Variants in TUT7 observed in about 807,000 individuals in gnomAD.
TUT7 encodes the protein terminal uridylyltransferase 7.
A neutral mutation model predicts 165.9 loss-of-function variants in TUT7; 33 were observed. The observed-to-expected ratio is 0.20, with a 90% confidence interval of 0.15 to 0.27. The LOEUF (loss-of-function observed/expected upper bound fraction) is 0.27, where lower values mean the gene tolerates loss of function less well. TUT7 is among the 10% of genes least tolerant of loss of function. TUT7 has a pLI of 1.00. For missense variants in TUT7, 1,338 were observed against 1,762.3 expected (o/e 0.76, Z 4.31); for synonymous variants, 552 against 608.1 (o/e 0.91, Z 1.36).
At chr9:86,310,107 TGGG>T (rs1827898791) in intron 18 of TUT7, 90 bp from the exon 19 acceptor site, 6 of 1,106,462 alleles carry the variant, frequency 5.4e-6, no homozygotes, top group Admixed American at 4.8e-5. Flanking sequence ...ATAATGGAGA[TGGG>T]ATCTCACTAT....
chr9:86,303,230 G>T (rs760446473), intron 24 of TUT7, 29 bp from the exon 25 acceptor site: 2 of 1,288,988 alleles, frequency 1.6e-6, no homozygotes, highest in Admixed American at 2.0e-5. Context: ...ATAAAAGCCT[G>T]AACTATTCAC....
chr9:86,318,134 AT>A (rs1391638892), intron 16 of TUT7, among the ~76,000 whole-genome samples: 2 of 152,238 alleles, frequency 1.3e-5, no homozygotes, highest in Admixed American at 6.5e-5. Context: ...TCATTTGGAT[AT>A]TTAGCATTTG....
At chr9:86,331,544 G>GT (rs1296502303) in intron 10 of TUT7, among the ~76,000 whole-genome samples, 2 of 152,054 alleles carry the variant, frequency 1.3e-5, no homozygotes, top group Admixed American at 1.3e-4. Flanking sequence ...ATTTACGATT[G>GT]TTTTGTCTTC....
chr9:86,296,087 T>C (rs1462969854), intron 26 of TUT7, among the ~76,000 whole-genome samples: 1 of 152,216 alleles, frequency 6.6e-6, no homozygotes, highest in Non-Finnish European at 1.5e-5. Context: ...AGAGAGAAAT[T>C]ACAGCAAGTG....
intron 11 of TUT7, 152 bp downstream of exon 11, chr9:86,328,188 T>G (rs940676579): frequency 1.7e-6 from 1 of 601,044 alleles, no homozygotes. Context: ...TAACCTTTTC[T>G]CATTACTTGT....
rs756554918 is a variant in TUT7, at chr9:86,317,232, G to C, written c.3261C>G (p.Leu1087=). 6.2e-7 allele frequency: 1 copy of C among 1,613,718 alleles called. No individual in the cohort carries two copies. Among genetic ancestry groups the C allele is most frequent in the East Asian group, 2.2e-5 (1 of 44,846 alleles). ...TTACAGAGGTACCTGAATGTTTTCT[G>C]AGGACTCTTGCTAATTCTTCAATAG... is the stretch of plus-strand genomic sequence containing the variant. ...VRTIEELARV[L]RKHSGLRNIL... Residue 1087 remains leucine (L), a synonymous_variant, in exon 17 of 27, where the codon CTC becomes CTG. Transcript: ENST00000375963.
chr9:86,305,330 A>G, intron 22 of TUT7, 91 bp from the exon 23 acceptor site: 1 of 849,334 alleles, frequency 1.2e-6, no homozygotes, highest in East Asian at 2.7e-5. Flanking sequence ...CAAGACAAGA[A>G]TATCATCTAC....
At chr9:86,347,947 C>A (rs577698858) in intron 2 of TUT7, among the ~76,000 whole-genome samples, 23 of 151,852 alleles carry the variant, frequency 1.5e-4, no homozygotes, top group Non-Finnish European at 2.9e-4. Flanking sequence ...GTTTGCTTAT[C>A]ATTATAAACA....
chr9:86,341,271 A>G (rs1831302469), intron 6 of TUT7, among the ~76,000 whole-genome samples: 1 of 152,220 alleles, frequency 6.6e-6, no homozygotes, highest in South Asian at 2.1e-4. Flanking sequence ...CCTACTATAC[A>G]ACTAACTTCT....
intron 17 of TUT7, among the ~76,000 whole-genome samples, chr9:86,316,588 C>T (rs1408649049): frequency 6.6e-6 from 1 of 152,210 alleles, no homozygotes; most frequent in Non-Finnish European, 1.5e-5. Context: ...TTATACAACG[C>T]CAACAAAGGA....
At position 86,349,566 on chromosome 9, in the gene TUT7, T is replaced by TG. The variant is rs1037938106; in HGVS notation, c.521-3087dup. ...AAAAAACAGAAGGTAGTACCGTATG[T>TG]GGGGGGGAAAAAAGCAACTCCACCA... is the stretch of plus-strand genomic sequence containing the variant. On this transcript the variant is annotated intron_variant, in intron 2 of 26. Transcript: ENST00000375963. Among the ~76,000 whole-genome samples the TG allele has an allele frequency of 6.6e-5, 10 of 151,892 alleles. No homozygotes were observed. In the East Asian group the frequency reaches 1.7e-3, roughly 26 times the overall value.
At chr9:86,325,778 C>G (rs1222979038) in intron 11 of TUT7, among the ~76,000 whole-genome samples, 3 of 152,180 alleles carry the variant, frequency 2.0e-5, no homozygotes, top group African/African-American at 7.2e-5. Flanking sequence ...TTTAACCAGA[C>G]AGAGCTCCTA....
rs938541925 is a variant in TUT7, at chr9:86,352,419, T to C, written c.520+261A>G. The stretch of plus-strand genomic sequence containing the variant: ...CTACCCTCTTCTGTAAAAAACACGT[T>C]ACAGAAAACATGTTTACTGACGTAA... On this transcript the variant is annotated intron_variant, in intron 2 of 26. Coordinates refer to ENST00000375963, the MANE Select transcript of TUT7 (RefSeq NM_024617.4). The C allele has an allele frequency of 3.6e-5, 20 of 550,306 alleles. No homozygotes were observed. The East Asian group carries it at 5.7e-4, about 16-fold the overall frequency. The allele number at this position is 550,306 out of a possible 1,614,324, so 34.1% of individuals were successfully genotyped here.
chr9:86,333,368 T>C (rs891182203), intron 10 of TUT7, among the ~76,000 whole-genome samples: 2 of 152,240 alleles, frequency 1.3e-5, no homozygotes, highest in South Asian at 2.1e-4. Flanking sequence ...ATTCCCATTA[T>C]ACATATGTTT....
rs1826905790 is a variant in TUT7 at position 86,301,542 on chromosome 9, T to C, written c.4154A>G (p.Glu1385Gly). The stretch of plus-strand genomic sequence containing the variant: ...TTCTTTGTCCTCTTTGCTTCTTTTT[T>C]CCTTGTTCTCAGGGTATCTTTGGTT... ...ALNQRYPENK[E>G]KRSKEDKEIH... The change falls in exon 26 of 27, where the codon GAA becomes GGA. Residue 1385 changes from glutamate (E) to glycine (G), a missense_variant. Glu to Gly is a moderately conservative substitution (Grantham distance 98). This residue lies in a region of TUT7 where 167 missense variants were observed against 204.9 expected (regional missense o/e 0.82). Transcript: ENST00000375963. 1.2e-6 allele frequency: 2 copies of C among 1,614,128 alleles called. No homozygotes were observed. Among genetic ancestry groups the C allele is most frequent in the Non-Finnish European group, 1.7e-6 (2 of 1,180,028 alleles).
At chr9:86,348,920 C>T (rs1832022241) in intron 2 of TUT7, among the ~76,000 whole-genome samples, 1 of 152,114 alleles carries the variant, frequency 6.6e-6, no homozygotes, top group East Asian at 1.9e-4. Flanking sequence ...CTTTCACAGG[C>T]ATGCATGGTA....
chr9:86,299,335 AACTTTCACAGAGAG>A (rs60376915), intron 26 of TUT7, among the ~76,000 whole-genome samples: 47,554 of 152,022 alleles, frequency 0.31, 8,861 homozygotes, highest in African/African-American at 0.5. Flanking sequence ...CCTGTTTTCA[AACTTTCACAGAGAG>A]ACTGTCTGTT....
intron 2 of TUT7, 69 bp downstream of exon 2, chr9:86,352,611 C>G: frequency 6.4e-7 from 1 of 1,570,664 alleles, no homozygotes; most frequent in Non-Finnish European, 8.8e-7. Context: ...TAACAAAACT[C>G]ATTTGGATGA....
At position 86,308,410 on chromosome 9, in the gene TUT7, A is replaced by T. The variant is rs772742176; in HGVS notation, c.3838+19T>A. 3 of 1,603,580 alleles carry T rather than the reference A, an allele frequency of 1.9e-6. No individual in the cohort carries two copies. The highest frequency in any genetic ancestry group is 1.7e-4 in the Middle Eastern group (1 of 6,000). ...AAGCTCTATAGTCTATTCGACTTCA[A>T]GTTTAATTTTATTCGTACCTTCAAT... On this transcript the variant is annotated intron_variant, in intron 22 of 26. Transcript: ENST00000375963.
Sources: gnomAD v4.1 joint callset for allele counts (sites outside exome capture counted in the v4.1 genomes callset) on GRCh38, gnomAD v4.1.1 for gene constraint, gnomAD v4.1.1 regional missense constraint, MANE v1.5 for transcripts, NCBI Gene and HGNC (gene_info 2026-07-23, HGNC 2026-07-21) for gene names.